The following COX7A2L variants were observed in gnomAD, a reference collection of about 807,000 sequenced individuals.
COX7A2L encodes cytochrome c oxidase subunit 7A2-like, mitochondrial.
Under a neutral mutation model 14.2 loss-of-function variants are expected in COX7A2L, and 18 were observed. The ratio of observed to expected loss-of-function variants is 1.27; its 90% CI spans 0.88 to 1.88. The LOEUF (loss-of-function observed/expected upper bound fraction) is 1.88. Among genes scored for constraint, COX7A2L ranks in the 40% most tolerant of loss-of-function variants. COX7A2L has a pLI of 0.00. For synonymous variants in COX7A2L, 65 were observed against 57.4 expected (o/e 1.13, Z -0.60); for missense variants, 179 against 138.8 (o/e 1.29, Z -1.46).
At chr2:42,355,451 G>C (rs957554322) in intron 1 of COX7A2L, among the ~76,000 whole-genome samples, 1 of 152,170 alleles carries the variant, frequency 6.6e-6, no homozygotes, top group African/African-American at 2.4e-5. Flanking sequence ...GAGTATTTTT[G>C]AAGGGATTGT....
At position 42,338,807 on chromosome 2, in the gene COX7A2L, G is replaced by T. The variant is rs1670341357; in HGVS notation, c.193-4938C>A. Among the ~76,000 whole-genome samples the T allele has an allele frequency of 6.6e-6, 1 of 152,216 alleles. No individual in the cohort carries two copies. Among genetic ancestry groups the T allele is most frequent in the African/African-American group, 2.4e-5 (1 of 41,450 alleles). ...AGCATTTTCCAGTGAGTGGAGGTGGGTTTAGGTGTTATCTGTGCGGCAGAG... is the reference window on the plus strand; with the variant it reads ...AGCATTTTCCAGTGAGTGGAGGTGGTTTTAGGTGTTATCTGTGCGGCAGAG... On this transcript the variant is annotated intron_variant, in intron 2 of 2. Transcript: ENST00000468711. The surrounding 1 kb of genome is among the most constrained non-coding windows in gnomAD (Gnocchi z 4.4).
chr2:42,353,333 G>A lies in COX7A2L; in HGVS notation c.83C>T (p.Pro28Leu). The A allele has an allele frequency of 6.2e-7, 1 of 1,613,802 alleles. No individual in the cohort carries two copies. The highest frequency in any genetic ancestry group is 1.1e-5 in the South Asian group (1 of 91,010). The change falls in exon 2 of 3, where the codon CCT becomes CTT. Residue 28 changes from proline to leucine, a missense_variant. By Grantham distance (98) the Pro-to-Leu change is moderately conservative. Transcript: ENST00000234301. ...AGGTGGTGCTTCTGTGGAAACCACA[G>A]GCTTTAATCCCTGTAGAGAAAAAAA... ...SEAYSPQGLK[P>L]VVSTEAPPII... is the part of the protein sequence containing the mutation.
At chr2:42,362,982 C>G (rs3755303), upstream of COX7A2L, among the ~76,000 whole-genome samples, 42,758 of 150,074 alleles carry the variant, frequency 0.28, 6,493 homozygotes, top group East Asian at 0.56. Context: ...TGAGGTGATT[C>G]TCCTACCTCA....
chr2:42,357,483 T>A (rs1165383758), intron 1 of COX7A2L, among the ~76,000 whole-genome samples: 4 of 151,998 alleles, frequency 2.6e-5, no homozygotes, highest in Admixed American at 1.3e-4. Flanking sequence ...TAATTTTTCT[T>A]ATTTTTTTTT....
At chr2:42,363,022 G>A (rs1214332307), upstream of COX7A2L, among the ~76,000 whole-genome samples, 6 of 151,672 alleles carry the variant, frequency 4.0e-5, no homozygotes, top group South Asian at 2.1e-4. Flanking sequence ...CCACAGATGC[G>A]CGCCACCACG....
intron 1 of COX7A2L, among the ~76,000 whole-genome samples, chr2:42,358,892 G>C (rs1052419993): frequency 6.6e-6 from 1 of 152,020 alleles, no homozygotes. Context: ...GCCACTCAGG[G>C]GGCTGAGGTG....
upstream of COX7A2L, chr2:42,361,843 G>A (rs1572803507): frequency 1.3e-5 from 2 of 152,222 alleles, no homozygotes; most frequent in African/African-American, 2.4e-5. Context: ...AGCTTCCCCT[G>A]GCAACCTGGG....
At chr2:42,361,053 A>G (rs1380330831) in intron 1 of COX7A2L, 37 bp downstream of exon 1, 1 of 1,608,970 alleles carries the variant, frequency 6.2e-7, no homozygotes, top group South Asian at 1.1e-5. Context: ...TAGGGCCGCC[A>G]CTTCTCATGT....
At position 42,352,116 on chromosome 2, in the gene COX7A2L, G is replaced by A. The variant is rs184905429; in HGVS notation, c.205-757C>T. On this transcript the variant is annotated intron_variant, in intron 2 of 2. Coordinates refer to ENST00000234301, the MANE Select transcript of COX7A2L (RefSeq NM_004718.4). ...TTTGGCATTCAACTGCCTTCTTTCCGTCACACTGTTAAACCCATTTAATAA... is the reference window on the plus strand; with the variant it reads ...TTTGGCATTCAACTGCCTTCTTTCCATCACACTGTTAAACCCATTTAATAA... Among the ~76,000 whole-genome samples, 12 of 152,190 alleles carry A rather than the reference G, an allele frequency of 7.9e-5. No homozygotes were observed. In the East Asian group the frequency reaches 1.2e-3, roughly 15 times the overall value.
At chr2:42,364,502 A>G (rs568696466), upstream of COX7A2L, among the ~76,000 whole-genome samples, 98 of 152,286 alleles carry the variant, frequency 6.4e-4, no homozygotes, top group African/African-American at 2.1e-3. Context: ...TAACCCCAAG[A>G]AAAGCATCCC....
upstream of COX7A2L, among the ~76,000 whole-genome samples, chr2:42,366,209 C>T (rs1266649953): frequency 6.6e-6 from 1 of 152,192 alleles, no homozygotes; most frequent in Non-Finnish European, 1.5e-5. Context: ...ACCAGCGGAT[C>T]ACTTGAGTCC....
At position 42,338,333 on chromosome 2, in the gene COX7A2L, C is replaced by G. The variant is rs1267283305; in HGVS notation, c.193-4464G>C. Among the ~76,000 whole-genome samples the G allele has an allele frequency of 6.6e-6, 1 of 152,168 alleles. No homozygotes were observed. The highest frequency in any genetic ancestry group is 1.5e-5 in the Non-Finnish European group (1 of 68,034). ...GCGTGTCTGGGCTGAATCAGCTTCCCTTATTCAGAATTAATCAAATGGAAA... is the reference window on the plus strand; with the variant it reads ...GCGTGTCTGGGCTGAATCAGCTTCCGTTATTCAGAATTAATCAAATGGAAA... On this transcript the variant is annotated intron_variant, in intron 2 of 2. Transcript: ENST00000468711. The surrounding 1 kb of genome is among the most constrained non-coding windows in gnomAD (Gnocchi z 4.4).
In COX7A2L at chr2:42,349,808, T is replaced by C. The variant is rs566257740; in HGVS notation, c.*1411A>G. ...TCAGAAGATACCTGCTAAAGTACTA[T>C]GGCTGATTTATCATAATTCCCTAAC... On this transcript the variant is annotated 3_prime_UTR_variant, in exon 3 of 3. Transcript: ENST00000234301. The C allele has an allele frequency of 4.6e-5, 7 of 152,310 alleles. No individual in the cohort carries two copies. Among genetic ancestry groups the C allele is most frequent in the African/African-American group, 1.2e-4 (5 of 41,570 alleles). The allele number at this position is 152,310 out of a possible 1,614,324, so 9.4% of individuals were successfully genotyped here.
At chr2:42,360,963 T>C in intron 1 of COX7A2L, 127 bp downstream of exon 1, 1 of 933,948 alleles carries the variant, frequency 1.1e-6, no homozygotes, top group Non-Finnish European at 1.7e-6. Flanking sequence ...CCCCGGGAGG[T>C]GCAAGGAGAA....
intron 2 of COX7A2L, among the ~76,000 whole-genome samples, chr2:42,336,456 G>A (rs536298674): frequency 3.3e-5 from 5 of 152,158 alleles, no homozygotes; most frequent in East Asian, 3.9e-4. Flanking sequence ...GTGAGTGCCC[G>A]AAGAAAGGGC....
chr2:42,360,402 G>A (rs553331302), intron 1 of COX7A2L, among the ~76,000 whole-genome samples: 10 of 152,272 alleles, frequency 6.6e-5, no homozygotes, highest in African/African-American at 9.6e-5. Context: ...AGGCACGTCT[G>A]GGGCTCTAAA....
chr2:42,353,394 T>C, intron 1 of COX7A2L, 51 bp from the exon 2 acceptor site: 1 of 1,603,174 alleles, frequency 6.2e-7, no homozygotes, highest in Admixed American at 1.8e-5. Flanking sequence ...CTGAGGAGGC[T>C]GTCTGGAATA....
chr2:42,348,921 G>GA (rs961155763), downstream of COX7A2L, among the ~76,000 whole-genome samples: 6 of 146,110 alleles, frequency 4.1e-5, no homozygotes, highest in South Asian at 2.2e-4. Flanking sequence ...CATCTCAAAA[G>GA]AAAAAAAAAA....
Position 42,359,836 on chromosome 2 carries a change from CACT to C in COX7A2L, c.72+1251_72+1253del, listed in dbSNP as rs1269989929. On this transcript the variant is annotated intron_variant, in intron 1 of 2. Coordinates refer to ENST00000234301, the MANE Select transcript of COX7A2L (RefSeq NM_004718.4). ...CTTCCCGTTCCCACCGCAACTCCCCCACTAACCCCCGAAAAAAAAAAAAAAAAC... is the reference window on the plus strand; with the variant it reads ...CTTCCCGTTCCCACCGCAACTCCCCCAACCCCCGAAAAAAAAAAAAAAAAC... 7 of 147,206 alleles carry C rather than the reference CACT, an allele frequency of 4.8e-5. No homozygotes were observed. In the East Asian group the frequency reaches 1.5e-3, roughly 31 times the overall value. The allele number at this position is 147,206 out of a possible 1,614,324, so 9.1% of individuals were successfully genotyped here. A position where few individuals can be genotyped will look rare whatever the true frequency, so the allele number is the denominator to read the frequency against.
Sources: allele counts gnomAD v4.1 joint callset (sites outside exome capture counted in the v4.1 genomes callset), GRCh38; gene constraint gnomAD v4.1.1; non-coding constraint Gnocchi (gnomAD v3.1); transcripts MANE v1.5; gene names NCBI Gene and HGNC (gene_info 2026-07-23, HGNC 2026-07-21).